The following LRRC28 variants were observed in gnomAD, a reference collection of about 807,000 sequenced individuals.
The protein encoded by LRRC28 is leucine rich repeat containing 28.
In LRRC28, 39 loss-of-function variants were observed where a neutral mutation model predicts 45.7. The observed-to-expected ratio is 0.85, with a 90% CI of 0.66 to 1.12. The LOEUF (loss-of-function observed/expected upper bound fraction) is 1.12. Among genes scored for constraint, LRRC28 ranks in the 50% most tolerant of loss-of-function variants. LRRC28 has a pLI of 0.00. For synonymous variants in LRRC28, 206 were observed against 178.8 expected (o/e 1.15, Z -1.22); for missense variants, 435 against 438.5 (o/e 0.99, Z 0.07).
chr15:99,273,425 G>A (rs1675321877), intron 2 of LRRC28, among the ~76,000 whole-genome samples: 1 of 152,076 alleles, frequency 6.6e-6, no homozygotes, highest in African/African-American at 2.4e-5. Context: ...TTTTAGTAGA[G>A]ACAGGGTTTC....
intron 6 of LRRC28, among the ~76,000 whole-genome samples, chr15:99,341,744 GCA>G (rs1956519439): frequency 6.6e-6 from 1 of 152,186 alleles, no homozygotes; most frequent in Non-Finnish European, 1.5e-5. Flanking sequence ...ATGAGGGCTA[GCA>G]CCATGAGCAG....
chr15:99,261,808 C>T (rs976265112), intron 2 of LRRC28, among the ~76,000 whole-genome samples: 6 of 152,040 alleles, frequency 3.9e-5, no homozygotes, highest in Non-Finnish European at 8.8e-5. Flanking sequence ...CAGGCATGCA[C>T]CACCACGCCC....
intron 2 of LRRC28, among the ~76,000 whole-genome samples, chr15:99,260,816 C>A (rs1275563466): frequency 1.3e-5 from 2 of 152,170 alleles, no homozygotes; most frequent in Non-Finnish European, 2.9e-5. Flanking sequence ...TATAGAGTAT[C>A]TCGAATATGT....
chr15:99,383,071 C>G (rs1303781310), intron 9 of LRRC28, among the ~76,000 whole-genome samples: 1 of 152,178 alleles, frequency 6.6e-6, no homozygotes, highest in Non-Finnish European at 1.5e-5. Context: ...CATTTCAGAA[C>G]ATTTTCTCAC....
chr15:99,380,736 C>T (rs1042239339), intron 9 of LRRC28, among the ~76,000 whole-genome samples: 1 of 152,198 alleles, frequency 6.6e-6, no homozygotes, highest in African/African-American at 2.4e-5. Context: ...CTGGTGGTGA[C>T]AAAATCTCTC....
intron 6 of LRRC28, among the ~76,000 whole-genome samples, chr15:99,342,678 G>A (rs1217305633): frequency 6.6e-6 from 1 of 152,136 alleles, no homozygotes; most frequent in Non-Finnish European, 1.5e-5. Flanking sequence ...TGATCTTTTT[G>A]TTACCTGAAC....
At position 99,363,197 on chromosome 15, in the gene LRRC28, T is replaced by TA; in HGVS notation, c.964dup (p.Met322AsnfsTer28). Reference sequence around the variant, plus strand: ...GGCACTGTCATCGGTGTAGTGAGCCTATGTTTACCATCGTCTACCCCAAGC... The same window carrying TA: ...GGCACTGTCATCGGTGTAGTGAGCCTAATGTTTACCATCGTCTACCCCAAGC... On this transcript the variant is annotated frameshift_variant, in exon 9 of 10. Transcript: ENST00000301981. LOFTEE classifies it high-confidence loss of function. 2 of 1,614,076 alleles carry TA rather than the reference T, an allele frequency of 1.2e-6. No homozygotes were observed. The highest frequency in any genetic ancestry group is 1.7e-6 in the Non-Finnish European group (2 of 1,179,926).
At chr15:99,348,040 C>T in intron 6 of LRRC28, among the ~76,000 whole-genome samples, 1 of 152,140 alleles carries the variant, frequency 6.6e-6, no homozygotes, top group East Asian at 1.9e-4. Flanking sequence ...ATGTTGAGCA[C>T]CTTTTCATCT....
In LRRC28 at chr15:99,386,040, G is replaced by C. The variant is rs558679112; in HGVS notation, c.1042G>C (p.Val348Leu). 2.5e-5 allele frequency: 41 copies of C among 1,614,062 alleles called. No individual in the cohort carries two copies. In the Admixed American group the frequency reaches 4.2e-4, roughly 16 times the overall value. ...MAGLHQWKTTVSFVAYCCSTQ... is the reference protein window; with the variant it reads ...MAGLHQWKTTLSFVAYCCSTQ... The stretch of plus-strand genomic sequence containing the variant: ...TTTTTCCCCTTCCAGGAAGACAACT[G>C]TTAGTTTTGTGGCTTACTGCTGCTC... The change falls in exon 10 of 10, where the codon GTT becomes CTT. Residue 348 changes from valine (V) to leucine (L), a missense_variant. Transcript: ENST00000301981.
At chr15:99,322,960 T>C (rs954585298) in intron 5 of LRRC28, among the ~76,000 whole-genome samples, 1 of 152,228 alleles carries the variant, frequency 6.6e-6, no homozygotes, top group Non-Finnish European at 1.5e-5. Context: ...TTGTTGATGC[T>C]GCTGATTTTT....
At chr15:99,285,768 G>A (rs530166263) in intron 3 of LRRC28, 2 of 512,770 alleles carry the variant, frequency 3.9e-6, no homozygotes, top group Non-Finnish European at 7.3e-6. Context: ...TTTTTTATAG[G>A]TGGAACTTGA....
chr15:99,258,501 G>A, intron 2 of LRRC28: 1 of 759,378 alleles, frequency 1.3e-6, no homozygotes, highest in Non-Finnish European at 2.4e-6. Flanking sequence ...AGCCATGAAG[G>A]AAGAAGCAGC....
chr15:99,370,878 A>G (rs1196112759), intron 9 of LRRC28, among the ~76,000 whole-genome samples: 1 of 152,258 alleles, frequency 6.6e-6, no homozygotes, highest in African/African-American at 2.4e-5. Context: ...CATACACCAA[A>G]GTAACAGTGG....
rs554321140 is a variant in LRRC28 at position 99,276,715 on chromosome 15, T to C, written c.209+99T>C. On this transcript the variant is annotated intron_variant, in intron 3 of 9. Transcript: ENST00000301981. ...GTCATCTTAATGTATTAATTTGTTA[T>C]TTTTTGGTATCATGATCATGGTACT... 168 of 986,786 alleles carry C rather than the reference T, an allele frequency of 1.7e-4. 1 individual carries two copies. The African/African-American group carries it at 2.6e-3, about 15-fold the overall frequency. The allele number at this position is 986,786 out of a possible 1,614,324, so 61.1% of individuals were successfully genotyped here.
intron 5 of LRRC28, among the ~76,000 whole-genome samples, chr15:99,308,794 T>C (rs1276812380): frequency 6.6e-6 from 1 of 152,210 alleles, no homozygotes; most frequent in East Asian, 1.9e-4. Context: ...TTATCTCAAT[T>C]TCTATGGATC....
chr15:99,336,285 T>C (rs1219765017), intron 6 of LRRC28, among the ~76,000 whole-genome samples: 1 of 152,224 alleles, frequency 6.6e-6, no homozygotes, highest in African/African-American at 2.4e-5. Flanking sequence ...ATTTTATAGA[T>C]AAGGAAATTG....
intron 9 of LRRC28, among the ~76,000 whole-genome samples, chr15:99,374,835 A>T (rs991235352): frequency 2.4e-4 from 34 of 144,474 alleles, no homozygotes; most frequent in African/African-American, 7.3e-4. Context: ...GCCTGGCTAA[A>T]TTTTTTTTTT....
intron 2 of LRRC28, chr15:99,259,517 A>G (rs879029023): frequency 5.1e-6 from 6 of 1,171,440 alleles, no homozygotes; most frequent in East Asian, 2.3e-5. Context: ...TGAAAAGGCT[A>G]TGGTATCTCA....
At position 99,341,436 on chromosome 15, in the gene LRRC28, T is replaced by C. The variant is rs141650866; in HGVS notation, c.592+7307T>C. Among the ~76,000 whole-genome samples, 71 of 152,260 alleles carry C rather than the reference T, an allele frequency of 4.7e-4. 1 individual carries two copies. In the South Asian group the frequency reaches 9.3e-3, roughly 20 times the overall value. On this transcript the variant is annotated intron_variant, in intron 6 of 9. Coordinates refer to ENST00000301981, the MANE Select transcript of LRRC28 (RefSeq NM_144598.5). ...AGTGCTTTGTTTTTCTTTCATTGCA[T>C]AAGGGTTTTGCTCTTGTGTTAGGTT... is the stretch of plus-strand genomic sequence containing the variant.
Sources: gnomAD v4.1 joint callset for allele counts (sites outside exome capture counted in the v4.1 genomes callset) on GRCh38, gnomAD v4.1.1 for gene constraint, MANE v1.5 for transcripts, NCBI Gene and HGNC (gene_info 2026-07-23, HGNC 2026-07-21) for gene names.